AFF3: variants seen among roughly 807,000 people sequenced by gnomAD.
The protein encoded by AFF3 is AF4/FMR2 family member 3.
A neutral mutation model predicts 129.7 loss-of-function variants in AFF3; 32 were observed. That is an observed-to-expected ratio of 0.25 (90% CI 0.19 to 0.33). The LOEUF (loss-of-function observed/expected upper bound fraction) is 0.33, where lower values mean the gene tolerates loss of function less well. AFF3 is among the 10% of genes least tolerant of loss of function. AFF3 has a pLI of 1.00. For missense variants in AFF3, 1,373 were observed against 1,592.0 expected, an observed-to-expected ratio of 0.86 and a Z score of 2.34; for synonymous variants, 644 against 635.4, an observed-to-expected ratio of 1.01 and a Z score of -0.20.
At chr2:99,643,005 G>T in intron 13 of AFF3, among the ~76,000 whole-genome samples, 1 of 151,122 alleles carries the variant, frequency 6.6e-6, no homozygotes. Flanking sequence ...ATAAATGCTT[G>T]AGGTAATGGA....
intron 13 of AFF3, among the ~76,000 whole-genome samples, chr2:99,634,831 G>A (rs1390416655): frequency 6.6e-6 from 1 of 151,750 alleles, no homozygotes; most frequent in South Asian, 2.1e-4. Context: ...AGAACTAGAC[G>A]AGGTGTGTTC....
At chr2:99,785,762 T>TTTTATTTTATTTTTTTA (rs1299170096) in intron 8 of AFF3, among the ~76,000 whole-genome samples, 2 of 152,168 alleles carry the variant, frequency 1.3e-5, no homozygotes, top group Non-Finnish European at 2.9e-5. Flanking sequence ...TTTATTTTTA[T>TTTTATTTTATTTTTTTA]TTTTAGACAG....
At chr2:99,919,273 G>A (rs1251550019) in intron 7 of AFF3, among the ~76,000 whole-genome samples, 4 of 152,010 alleles carry the variant, frequency 2.6e-5, no homozygotes, top group South Asian at 4.2e-4. Flanking sequence ...CAATGCCCAC[G>A]GTTGAACACA....
intron 7 of AFF3, among the ~76,000 whole-genome samples, chr2:99,950,249 A>G (rs1235191293): frequency 6.6e-6 from 1 of 152,124 alleles, no homozygotes; most frequent in Non-Finnish European, 1.5e-5. Context: ...GCTTAAATGG[A>G]TTGTTTCTAT....
chr2:99,627,590 T>A (rs1682714435), intron 13 of AFF3, among the ~76,000 whole-genome samples: 1 of 152,238 alleles, frequency 6.6e-6, no homozygotes, highest in African/African-American at 2.4e-5. Context: ...GGATCCCATG[T>A]GTCAATTTTT....
At chr2:100,009,620 CTTTTGTT>C (rs1682325584) in intron 4 of AFF3, among the ~76,000 whole-genome samples, 1 of 152,164 alleles carries the variant, frequency 6.6e-6, no homozygotes, top group Admixed American at 6.5e-5. Flanking sequence ...GGAACTCCGC[CTTTTGTT>C]GAAGAAAATT....
At chr2:100,109,120 G>A (rs1039600283) in intron 2 of AFF3, among the ~76,000 whole-genome samples, 4 of 151,708 alleles carry the variant, frequency 2.6e-5, no homozygotes, top group Admixed American at 6.6e-5. Flanking sequence ...AATGAGCTCC[G>A]GGAGAGGGGA....
chr2:100,027,097 C>T lies in AFF3; in HGVS notation c.54-18165G>A, dbSNP rs777093390. On this transcript the variant is annotated intron_variant, in intron 4 of 24. Coordinates refer to ENST00000672756, the MANE Select transcript of AFF3 (RefSeq NM_001386135.1). ...CTATGGAAAAATAAAAACAAATAAA[C>T]AGAGAAAAAAAGTGAACTAGACCAA... is the stretch of plus-strand genomic sequence containing the variant. Among the ~76,000 whole-genome samples the T allele has an allele frequency of 9.2e-5, 14 of 152,078 alleles. No homozygotes were observed. The South Asian group carries it at 1.2e-3, about 14-fold the overall frequency.
chr2:99,704,070 AC>A (rs1327057602), intron 11 of AFF3, among the ~76,000 whole-genome samples: 1 of 152,186 alleles, frequency 6.6e-6, no homozygotes, highest in African/African-American at 2.4e-5. Flanking sequence ...GTTTTAAAAT[AC>A]AATTATCTTA....
chr2:99,723,017 A>AGACTATGAATAGTTTTTTT (rs1482391323), intron 11 of AFF3, among the ~76,000 whole-genome samples: 2 of 152,204 alleles, frequency 1.3e-5, no homozygotes, highest in African/African-American at 4.8e-5. Flanking sequence ...TCTTTTAGTT[A>AGACTATGAATAGTTTTTTT]GACTATGAAT....
At chr2:99,623,933 G>A (rs1682299020) in intron 13 of AFF3, among the ~76,000 whole-genome samples, 1 of 152,186 alleles carries the variant, frequency 6.6e-6, no homozygotes, top group South Asian at 2.1e-4. Flanking sequence ...CATCCCATTG[G>A]ACTTCACTTA....
At chr2:99,664,944 T>G (rs1686547437) in intron 12 of AFF3, among the ~76,000 whole-genome samples, 1 of 152,192 alleles carries the variant, frequency 6.6e-6, no homozygotes, top group Non-Finnish European at 1.5e-5. Flanking sequence ...GTTGATTAGA[T>G]AAGAGGGAGG....
intron 8 of AFF3, among the ~76,000 whole-genome samples, chr2:99,762,685 G>A (rs1427145711): frequency 2.0e-5 from 3 of 152,216 alleles, no homozygotes; most frequent in Non-Finnish European, 2.9e-5. Context: ...TTCACCAAGC[G>A]TATGTGACTG....
intron 8 of AFF3, among the ~76,000 whole-genome samples, chr2:99,791,516 G>A (rs962049973): frequency 3.9e-5 from 6 of 152,184 alleles, no homozygotes; most frequent in South Asian, 2.1e-4. Context: ...TTGATCTGCG[G>A]TTCATTTAAC....
At chr2:99,838,826 T>A (rs976155353) in intron 7 of AFF3, among the ~76,000 whole-genome samples, 3 of 152,182 alleles carry the variant, frequency 2.0e-5, no homozygotes, top group African/African-American at 4.8e-5. Flanking sequence ...TTAAAAAATA[T>A]TATGAAGGCT....
intron 8 of AFF3, among the ~76,000 whole-genome samples, chr2:99,799,573 A>G (rs1326805280): frequency 6.6e-6 from 1 of 152,116 alleles, no homozygotes; most frequent in African/African-American, 2.4e-5. Flanking sequence ...CAATGCAATC[A>G]TAATAAAAAT....
intron 7 of AFF3, among the ~76,000 whole-genome samples, chr2:99,859,123 T>C (rs1409390378): frequency 6.6e-6 from 1 of 152,246 alleles, no homozygotes; most frequent in African/African-American, 2.4e-5. Context: ...GGCTTTCCTC[T>C]AATAGAATTA....
chr2:100,117,873 A>G (rs1314657527), intron 2 of AFF3, among the ~76,000 whole-genome samples: 2 of 152,320 alleles, frequency 1.3e-5, no homozygotes, highest in African/African-American at 2.4e-5. Flanking sequence ...GGACATGTAT[A>G]CTTTCAAGAC....
intron 17 of AFF3, among the ~76,000 whole-genome samples, chr2:99,581,346 A>C (rs1677522371): frequency 6.6e-6 from 1 of 152,192 alleles, no homozygotes; most frequent in South Asian, 2.1e-4. Context: ...TCTAGAATTA[A>C]AGACCACTGC....
Sources: gnomAD v4.1 joint callset for allele counts (sites outside exome capture counted in the v4.1 genomes callset) on GRCh38, gnomAD v4.1.1 for gene constraint, MANE v1.5 for transcripts, NCBI Gene and HGNC (gene_info 2026-07-23, HGNC 2026-07-21) for gene names.